USP3: variants seen among roughly 807,000 people sequenced by gnomAD.
USP3 encodes ubiquitin carboxyl-terminal hydrolase 3.
USP3 carries 20 observed loss-of-function variants against 72.3 expected under a neutral mutation model. The ratio of observed to expected loss-of-function variants is 0.28; its 90% confidence interval spans 0.19 to 0.40. USP3 has a LOEUF of 0.40. Among genes scored for constraint, USP3 ranks in the 10% least tolerant of loss-of-function variants. The pLI is 1.00. For missense variants in USP3, 479 were observed against 633.9 expected, an observed-to-expected ratio of 0.76 and a Z score of 2.62; for synonymous variants, 222 against 225.3, an observed-to-expected ratio of 0.99 and a Z score of 0.13.
At chr15:63,581,869 G>C (rs1194069351) in intron 11 of USP3, among the ~76,000 whole-genome samples, 1 of 150,426 alleles carries the variant, frequency 6.6e-6, no homozygotes, top group Non-Finnish European at 1.5e-5. Context: ...ATTTTTTGTA[G>C]ACACAGGGTT....
At chr15:63,572,529 TTAAAAAG>T (rs1232301548) in intron 9 of USP3, among the ~76,000 whole-genome samples, 2 of 152,262 alleles carry the variant, frequency 1.3e-5, no homozygotes, top group African/African-American at 4.8e-5. Context: ...AAACAGTACT[TTAAAAAG>T]TAATAATAAA....
chr15:63,559,500 A>G (rs751801261), intron 6 of USP3, among the ~76,000 whole-genome samples: 1 of 152,220 alleles, frequency 6.6e-6, no homozygotes, highest in Non-Finnish European at 1.5e-5. Flanking sequence ...GGTCGGTTTC[A>G]TGGTTTGTTT....
intron 6 of USP3, 80 bp downstream of exon 6, chr15:63,558,268 T>TA: frequency 4.1e-6 from 6 of 1,468,604 alleles, no homozygotes; most frequent in Non-Finnish European, 5.7e-6. Flanking sequence ...CGTCTGCCAC[T>TA]AACTCTAGTC....
intron 1 of USP3, among the ~76,000 whole-genome samples, chr15:63,522,621 A>C (rs958065738): frequency 6.6e-6 from 1 of 152,192 alleles, no homozygotes; most frequent in African/African-American, 2.4e-5. Flanking sequence ...TAAGCTGATA[A>C]CCATATCTTA....
At chr15:63,549,835 T>C (rs1347464653) in intron 3 of USP3, among the ~76,000 whole-genome samples, 1 of 152,246 alleles carries the variant, frequency 6.6e-6, no homozygotes, top group Admixed American at 6.5e-5. Flanking sequence ...GCATTTCTTT[T>C]GTTTTGAGAA....
chr15:63,589,621 G>A (rs986087011), intron 14 of USP3, among the ~76,000 whole-genome samples: 1 of 152,116 alleles, frequency 6.6e-6, no homozygotes, highest in African/African-American at 2.4e-5. Context: ...TTTCTCCTTG[G>A]AGTGTATTCC....
intron 8 of USP3, among the ~76,000 whole-genome samples, chr15:63,563,501 G>A (rs935777870): frequency 2.6e-5 from 4 of 152,192 alleles, no homozygotes; most frequent in Admixed American, 2.6e-4. Context: ...TCCCGGTGTG[G>A]CCAGAGAGCT....
chr15:63,590,665 G>C lies in USP3; in HGVS notation c.1402G>C (p.Gly468Arg). 6.3e-7 allele frequency: 1 copy of C among 1,578,458 alleles called. No individual in the cohort carries two copies. The highest frequency in any genetic ancestry group is 8.6e-7 in the Non-Finnish European group (1 of 1,163,004). Residue 468 changes from glycine (G) to arginine (R), a missense_variant, in exon 15 of 15, where the codon GGT becomes CGT. By Grantham distance (125) the Gly-to-Arg change is moderately radical (BLOSUM62 -2). Transcript: ENST00000380324. ...AVVVHHGSGV[G>R]SGHYTAYATH... ...TTTGGTCTTTTGCCTTTACAGGGTT[G>C]GTTCTGGACATTACACAGCATACGC... is the stretch of plus-strand genomic sequence containing the variant.
chr15:63,559,384 C>T (rs577687627), intron 6 of USP3, among the ~76,000 whole-genome samples: 105 of 152,350 alleles, frequency 6.9e-4, no homozygotes, highest in African/African-American at 2.4e-3. Context: ...TATTTGATCT[C>T]TCCTGGAAGG....
At chr15:63,583,698 C>A (rs1350134318) in intron 11 of USP3, among the ~76,000 whole-genome samples, 3 of 152,112 alleles carry the variant, frequency 2.0e-5, no homozygotes, top group Non-Finnish European at 4.4e-5. Flanking sequence ...TTTGTCTATT[C>A]TAGGCACCTC....
chr15:63,560,476 A>C (rs1370368522), intron 7 of USP3, among the ~76,000 whole-genome samples: 1 of 151,984 alleles, frequency 6.6e-6, no homozygotes, highest in Non-Finnish European at 1.5e-5. Context: ...GGATAAATTT[A>C]GCATTCTACT....
At chr15:63,543,973 G>A (rs867794680) in intron 3 of USP3, among the ~76,000 whole-genome samples, 1 of 151,442 alleles carries the variant, frequency 6.6e-6, no homozygotes, top group African/African-American at 2.4e-5. Context: ...ACTTTGGGAG[G>A]CTGAGACAGG....
At chr15:63,579,720 C>T (rs74018132) in intron 11 of USP3, among the ~76,000 whole-genome samples, 1,704 of 152,022 alleles carry the variant, frequency 0.011, 30 homozygotes, top group African/African-American at 0.039. Context: ...AGACCATAAA[C>T]AAAGTGGAAA....
At chr15:63,581,699 T>C (rs2066967052) in intron 11 of USP3, among the ~76,000 whole-genome samples, 1 of 150,392 alleles carries the variant, frequency 6.6e-6, no homozygotes, top group Non-Finnish European at 1.5e-5. Context: ...CCGGCCCATA[T>C]GTTTGTTTTT....
At chr15:63,566,836 A>G (rs147485836) in intron 8 of USP3, among the ~76,000 whole-genome samples, 1 of 152,338 alleles carries the variant, frequency 6.6e-6, no homozygotes, top group Non-Finnish European at 1.5e-5. Context: ...ATTGTTGCCA[A>G]ATACTGAGTA....
At position 63,584,138 on chromosome 15, in the gene USP3, C is replaced by T. The variant is rs147646134; in HGVS notation, c.1097-4167C>T. On this transcript the variant is annotated intron_variant, in intron 11 of 14. Coordinates refer to ENST00000380324, the MANE Select transcript of USP3 (RefSeq NM_006537.4). ...TTTGAGATGGAGTCTCGCTCTGTCG[C>T]GCAGGCTGGAGTGCAGTGGCATGAT... is the stretch of plus-strand genomic sequence containing the variant. Among the ~76,000 whole-genome samples, 702 of 142,126 alleles carry T rather than the reference C, an allele frequency of 4.9e-3. 10 individuals are homozygous for T. The highest frequency in any genetic ancestry group is 0.018 in the African/African-American group (674 of 38,088). The allele number at this position is 142,126 out of a possible 152,430, so 93.2% of individuals were successfully genotyped here.
At chr15:63,589,092 T>C in intron 14 of USP3, 81 bp downstream of exon 14, 3 of 1,486,290 alleles carry the variant, frequency 2.0e-6, no homozygotes, top group Non-Finnish European at 1.9e-6. Flanking sequence ...CCACTCTTGC[T>C]AGTTCTTCCT....
At chr15:63,555,598 C>T (rs1320077150) in intron 4 of USP3, among the ~76,000 whole-genome samples, 2 of 152,042 alleles carry the variant, frequency 1.3e-5, no homozygotes, top group Admixed American at 6.6e-5. Context: ...AGGTGAAATG[C>T]CTTATTTATA....
chr15:63,588,868 G>A lies in USP3; in HGVS notation c.1329+53G>A. 1 of 1,610,078 alleles carries A rather than the reference G, an allele frequency of 6.2e-7. No homozygotes were observed. The highest frequency in any genetic ancestry group is 8.5e-7 in the Non-Finnish European group (1 of 1,176,376). The stretch of plus-strand genomic sequence containing the variant: ...GAAAAAATGGCTCTTCAGTAAGATT[G>A]TCATCACATGGAGAGGGTAGAGGTC... On this transcript the variant is annotated intron_variant, in intron 13 of 14. Transcript: ENST00000380324. The surrounding 1 kb of genome is among the most constrained non-coding windows in gnomAD (Gnocchi z 4.6).
Sources: allele counts gnomAD v4.1 joint callset (sites outside exome capture counted in the v4.1 genomes callset), GRCh38; gene constraint gnomAD v4.1.1; non-coding constraint Gnocchi (gnomAD v3.1); transcripts MANE v1.5; gene names NCBI Gene and HGNC (gene_info 2026-07-23, HGNC 2026-07-21).